TOX2: variants seen among roughly 807,000 people sequenced by gnomAD.
TOX2 encodes the protein granulosa cell HMG box 1.
Under a neutral mutation model 47.4 loss-of-function variants are expected in TOX2, and 15 were observed. The ratio of observed to expected loss-of-function variants is 0.32; its 90% CI spans 0.21 to 0.49. The LOEUF (loss-of-function observed/expected upper bound fraction) is 0.49. Ranked by LOEUF, TOX2 falls within the 20% of genes least tolerant of loss-of-function variation. The pLI is 0.99. For missense variants in TOX2, 622 were observed against 673.1 expected, an observed-to-expected ratio of 0.92 and a Z score of 0.84; for synonymous variants, 290 against 296.6, an observed-to-expected ratio of 0.98 and a Z score of 0.23.
At chr20:44,039,386 G>A (rs1431502327) in intron 3 of TOX2, among the ~76,000 whole-genome samples, 1 of 152,174 alleles carries the variant, frequency 6.6e-6, no homozygotes, top group African/African-American at 2.4e-5. Flanking sequence ...CCATTGCTAA[G>A]TGGGCCCCTG....
At chr20:44,046,494 G>T (rs1004234857) in intron 3 of TOX2, among the ~76,000 whole-genome samples, 1 of 152,184 alleles carries the variant, frequency 6.6e-6, no homozygotes, top group African/African-American at 2.4e-5. Context: ...GAGTCTCCAC[G>T]AGATACTTGT....
chr20:44,030,019 C>G (rs911436523), intron 3 of TOX2, among the ~76,000 whole-genome samples: 4 of 152,190 alleles, frequency 2.6e-5, no homozygotes, highest in Non-Finnish European at 5.9e-5. Context: ...TCTCCCGATG[C>G]TCCACGCTCA....
intron 3 of TOX2, among the ~76,000 whole-genome samples, chr20:44,048,274 G>A (rs566997384): frequency 6.6e-6 from 1 of 151,082 alleles, no homozygotes; most frequent in African/African-American, 2.4e-5. Flanking sequence ...AAAAAGCAAC[G>A]TGTATTCACA....
In TOX2 at chr20:44,006,538, A is replaced by G. The variant is rs1431970314; in HGVS notation, c.166-9A>G. ...TGACCCCCACCGACATGTCTTTTTG[A>G]TGTTTTAGACCTACAACGGCCAGAG... On this transcript the variant is annotated splice_polypyrimidine_tract_variant and intron_variant, in intron 2 of 8. Coordinates refer to ENST00000341197, the MANE Select transcript of TOX2 (RefSeq NM_001098797.2). 5 of 1,605,268 alleles carry G rather than the reference A, an allele frequency of 3.1e-6. No homozygotes were observed. The highest frequency in any genetic ancestry group is 4.3e-6 in the Non-Finnish European group (5 of 1,175,866).
At chr20:44,068,527 T>C in intron 8 of TOX2, 123 bp from the exon 9 acceptor site, 2 of 974,252 alleles carry the variant, frequency 2.1e-6, no homozygotes, top group Non-Finnish European at 2.9e-6. Flanking sequence ...AAGTCCCTCA[T>C]TCAGCCACAG....
intron 1 of TOX2, among the ~76,000 whole-genome samples, chr20:43,963,612 GGGAGGATTTATCACCA>G (rs1252376079): frequency 6.6e-6 from 1 of 152,190 alleles, no homozygotes; most frequent in Non-Finnish European, 1.5e-5. Flanking sequence ...CTCTGTGATG[GGGAGGATTTATCACCA>G]GGCAGAATAC....
At chr20:43,972,888 A>G (rs2070001555) in intron 1 of TOX2, among the ~76,000 whole-genome samples, 1 of 152,188 alleles carries the variant, frequency 6.6e-6, no homozygotes, top group African/African-American at 2.4e-5. Flanking sequence ...ATGGGCCAAA[A>G]CCACTCAGGA....
chr20:43,989,910 T>C (rs1249592169), intron 2 of TOX2, among the ~76,000 whole-genome samples: 1 of 152,190 alleles, frequency 6.6e-6, no homozygotes, highest in Non-Finnish European at 1.5e-5. Context: ...AATGTGATAC[T>C]CAAGGCTGTG....
intron 3 of TOX2, among the ~76,000 whole-genome samples, chr20:44,035,363 G>A (rs1162792154): frequency 2.0e-5 from 3 of 152,146 alleles, no homozygotes; most frequent in Non-Finnish European, 4.4e-5. Flanking sequence ...CCACGGCTTT[G>A]CACAGGCTGT....
intron 3 of TOX2, among the ~76,000 whole-genome samples, chr20:44,038,351 G>C (rs2071273247): frequency 6.6e-6 from 1 of 152,144 alleles, no homozygotes; most frequent in African/African-American, 2.4e-5. Context: ...AGCTGTCATT[G>C]CACCACTGCA....
At chr20:44,024,313 C>G (rs1455767095) in intron 3 of TOX2, among the ~76,000 whole-genome samples, 1 of 152,072 alleles carries the variant, frequency 6.6e-6, no homozygotes, top group Non-Finnish European at 1.5e-5. Flanking sequence ...CATCTTATTG[C>G]TTTATCTACA....
At chr20:44,018,161 C>A (rs1226540363) in intron 3 of TOX2, among the ~76,000 whole-genome samples, 2 of 152,158 alleles carry the variant, frequency 1.3e-5, no homozygotes, top group Non-Finnish European at 2.9e-5. Context: ...TGTGCATGGA[C>A]CTCCCTGTTC....
At chr20:43,929,542 C>T (rs1569005608) in intron 1 of TOX2, among the ~76,000 whole-genome samples, 1 of 152,274 alleles carries the variant, frequency 6.6e-6, no homozygotes, top group South Asian at 2.1e-4. Flanking sequence ...CATGCTGTTC[C>T]CTTTGCCTGG....
chr20:44,042,405 GCAA>G (rs1484615869), intron 3 of TOX2, among the ~76,000 whole-genome samples: 1 of 152,206 alleles, frequency 6.6e-6, no homozygotes, highest in Non-Finnish European at 1.5e-5. Context: ...AAAGCAGCGA[GCAA>G]CACTGGTTGT....
In TOX2 at chr20:43,916,823, A is replaced by G. The variant is rs1307131464; in HGVS notation, c.99+1833A>G. On this transcript the variant is annotated intron_variant, in intron 1 of 8. Coordinates refer to ENST00000341197, the MANE Select transcript of TOX2 (RefSeq NM_001098797.2). This position sits in a 1 kb window ranked among gnomAD's most constrained non-coding sequence, Gnocchi z 5.0. ...CGCTCCGTTTGAGGGTGGTGTTTCT[A>G]TAAATCTCGCCAGGGTGGGGCTGTC... Among the ~76,000 whole-genome samples, 6 of 152,134 alleles carry G rather than the reference A, an allele frequency of 3.9e-5. No homozygotes were observed. Among genetic ancestry groups the G allele is most frequent in the African/African-American group, 1.4e-4 (6 of 41,400 alleles).
intron 1 of TOX2, among the ~76,000 whole-genome samples, chr20:43,932,633 T>G (rs2069267282): frequency 6.6e-6 from 1 of 152,220 alleles, no homozygotes; most frequent in African/African-American, 2.4e-5. Context: ...TGGGGTCTTC[T>G]CTGCACATAG....
At chr20:44,022,594 T>C (rs1374665324) in intron 3 of TOX2, among the ~76,000 whole-genome samples, 1 of 152,214 alleles carries the variant, frequency 6.6e-6, no homozygotes, top group Non-Finnish European at 1.5e-5. Context: ...ACAAACAGTT[T>C]ACTCATTTTT....
Position 44,056,506 on chromosome 20 carries a change from C to T in TOX2, c.879+1980C>T, listed in dbSNP as rs1196850773. ...CTATGTCCCCGGGCACTCCCTCCACCGATGCTTTCTCTGACCTCATTCAGC... is the reference window on the plus strand; with the variant it reads ...CTATGTCCCCGGGCACTCCCTCCACTGATGCTTTCTCTGACCTCATTCAGC... On this transcript the variant is annotated intron_variant, in intron 5 of 8. Transcript: ENST00000341197. Among the ~76,000 whole-genome samples, 4 of 152,112 alleles carry T rather than the reference C, an allele frequency of 2.6e-5. No homozygotes were observed. In the East Asian group the frequency reaches 7.7e-4, roughly 29 times the overall value.
intron 2 of TOX2, 90 bp downstream of exon 2, chr20:43,973,522 T>A (rs1229177777): frequency 8.8e-7 from 1 of 1,142,680 alleles, no homozygotes; most frequent in African/African-American, 1.5e-5. Flanking sequence ...GGGTGCAGAA[T>A]GGGGCCAGCA....
Sources: gnomAD v4.1 joint callset for allele counts (sites outside exome capture counted in the v4.1 genomes callset) on GRCh38, gnomAD v4.1.1 for gene constraint, Gnocchi (gnomAD v3.1) non-coding constraint, MANE v1.5 for transcripts, NCBI Gene and HGNC (gene_info 2026-07-23, HGNC 2026-07-21) for gene names.